The following MACROD2 variants were observed in gnomAD, a reference collection of about 807,000 sequenced individuals.
The protein encoded by MACROD2 is mono-ADP ribosylhydrolase 2.
Under a neutral mutation model 70.4 loss-of-function variants are expected in MACROD2, and 36 were observed. That is an observed-to-expected ratio of 0.51 (90% CI 0.39 to 0.68). MACROD2 has a LOEUF of 0.68. Among genes scored for constraint, MACROD2 ranks in the 30% least tolerant of loss-of-function variants. The probability of loss-of-function intolerance (pLI) is 0.00; values close to 1 mark genes in which losing one functional copy is unlikely to be tolerated. For synonymous variants in MACROD2, 172 were observed against 178.8 expected (o/e 0.96, Z 0.30); for missense variants, 496 against 538.4 (o/e 0.92, Z 0.78).
chr20:15,970,258 A>T (rs1311991505), intron 13 of MACROD2, among the ~76,000 whole-genome samples: 1 of 152,172 alleles, frequency 6.6e-6, no homozygotes, highest in East Asian at 1.9e-4. Context: ...GCCAAAGATA[A>T]AGGAAGGAAT....
intron 3 of MACROD2, among the ~76,000 whole-genome samples, chr20:14,258,170 A>G (rs1348065876): frequency 6.6e-6 from 1 of 152,102 alleles, no homozygotes; most frequent in African/African-American, 2.4e-5. Flanking sequence ...TATTTTTACA[A>G]TTGTGAATTG....
rs150805701 is a variant in MACROD2, at chr20:15,880,005, G to A, written c.728-5759G>A. On this transcript the variant is annotated intron_variant, in intron 9 of 17. Coordinates refer to ENST00000684519, the MANE Select transcript of MACROD2 (RefSeq NM_001351661.2). ...CGGAGGAGTTCCCTCTTACTCTCCAGGGGTCAGCCTTTGTGTTCTTGTTAG... is the reference window on the plus strand; with the variant it reads ...CGGAGGAGTTCCCTCTTACTCTCCAAGGGTCAGCCTTTGTGTTCTTGTTAG... 9.3e-4 allele frequency among the ~76,000 whole-genome samples: 141 copies of A among 152,234 alleles called. No individual in the cohort carries two copies. In the East Asian group the frequency reaches 0.024, roughly 26 times the overall value.
At chr20:15,990,214 C>T (rs970537525) in intron 15 of MACROD2, among the ~76,000 whole-genome samples, 1 of 152,106 alleles carries the variant, frequency 6.6e-6, no homozygotes, top group Non-Finnish European at 1.5e-5. Flanking sequence ...ACCTGCAACA[C>T]ATATGAAATC....
At chr20:15,361,225 C>T (rs1385798115) in intron 6 of MACROD2, among the ~76,000 whole-genome samples, 7 of 152,066 alleles carry the variant, frequency 4.6e-5, no homozygotes, top group Non-Finnish European at 8.8e-5. Context: ...TATTTGAGTT[C>T]ACTTTTGTAT....
At chr20:15,623,679 C>CCAAT (rs1555850035) in intron 8 of MACROD2, among the ~76,000 whole-genome samples, 1 of 148,140 alleles carries the variant, frequency 6.8e-6, no homozygotes, top group African/African-American at 2.5e-5. Context: ...AAGTTATCTG[C>CCAAT]CTATCTATCT....
Position 14,200,857 on chromosome 20 carries a change from C to A in MACROD2, c.271+115129C>A, listed in dbSNP as rs183311512. On this transcript the variant is annotated intron_variant, in intron 3 of 17. Transcript: ENST00000684519. ...GTGTGAATTATTCATGCCTTTTTGCCTGTTTTTCTCTTAAAGTTCTAGTCT... is the reference window on the plus strand; with the variant it reads ...GTGTGAATTATTCATGCCTTTTTGCATGTTTTTCTCTTAAAGTTCTAGTCT... Among the ~76,000 whole-genome samples the A allele has an allele frequency of 5.3e-4, 80 of 150,868 alleles. 1 individual carries two copies. Among genetic ancestry groups the A allele is most frequent in the African/African-American group, 1.8e-3 (76 of 41,270 alleles).
chr20:15,008,535 C>G (rs1014852430), intron 5 of MACROD2, among the ~76,000 whole-genome samples: 1 of 152,144 alleles, frequency 6.6e-6, no homozygotes, highest in Non-Finnish European at 1.5e-5. Context: ...GATCATGGTG[C>G]AGGTTCTTGA....
intron 6 of MACROD2, among the ~76,000 whole-genome samples, chr20:15,379,270 A>G (rs1293540298): frequency 6.6e-6 from 1 of 152,176 alleles, no homozygotes; most frequent in African/African-American, 2.4e-5. Flanking sequence ...GCATCTTTAT[A>G]TATCTCTGAC....
At chr20:14,598,386 A>G (rs1982277625) in intron 4 of MACROD2, among the ~76,000 whole-genome samples, 1 of 152,134 alleles carries the variant, frequency 6.6e-6, no homozygotes, top group African/African-American at 2.4e-5. Context: ...CATTATGAAC[A>G]TTCTAATATT....
chr20:15,341,886 A>G (rs1399440668), intron 6 of MACROD2, among the ~76,000 whole-genome samples: 2 of 152,026 alleles, frequency 1.3e-5, no homozygotes, highest in Non-Finnish European at 2.9e-5. Context: ...ACCTGTCTCT[A>G]CAAAAATTTT....
chr20:15,413,888 A>G (rs538904279), intron 6 of MACROD2, among the ~76,000 whole-genome samples: 5 of 152,284 alleles, frequency 3.3e-5, no homozygotes, highest in African/African-American at 7.2e-5. Flanking sequence ...CTTAGCTCAC[A>G]CAGAAAAGCA....
At chr20:14,338,170 G>A (rs2082971320) in intron 3 of MACROD2, among the ~76,000 whole-genome samples, 1 of 152,194 alleles carries the variant, frequency 6.6e-6, no homozygotes, top group South Asian at 2.1e-4. Flanking sequence ...GGGAGGCCGA[G>A]GTGGGAGGAT....
At chr20:14,631,999 G>T (rs891046530) in intron 4 of MACROD2, 1 of 151,626 alleles carries the variant, frequency 6.6e-6, no homozygotes, top group Non-Finnish European at 1.5e-5. Flanking sequence ...TATTCATTTT[G>T]TAATTTATTA....
At chr20:15,129,844 T>C (rs1601112624) in intron 5 of MACROD2, among the ~76,000 whole-genome samples, 1 of 152,108 alleles carries the variant, frequency 6.6e-6, no homozygotes, top group East Asian at 1.9e-4. Flanking sequence ...GTTGCTTTTG[T>C]TGTATTTCTA....
intron 8 of MACROD2, among the ~76,000 whole-genome samples, chr20:15,821,889 G>A (rs1194511923): frequency 6.6e-6 from 1 of 152,082 alleles, no homozygotes; most frequent in Non-Finnish European, 1.5e-5. Context: ...AGGGACGACT[G>A]TATACCATAT....
intron 2 of MACROD2, among the ~76,000 whole-genome samples, chr20:14,007,219 T>G (rs2148613761): frequency 6.6e-6 from 1 of 152,350 alleles, no homozygotes; most frequent in Non-Finnish European, 1.5e-5. Flanking sequence ...AAGTCTTTTA[T>G]TATGCAGTAC....
chr20:14,726,981 T>G (rs1313239263), intron 5 of MACROD2, among the ~76,000 whole-genome samples: 1 of 152,192 alleles, frequency 6.6e-6, no homozygotes, highest in Non-Finnish European at 1.5e-5. Flanking sequence ...TTGAAAAAAT[T>G]TAGGTTCCTT....
intron 5 of MACROD2, among the ~76,000 whole-genome samples, chr20:14,756,836 T>A (rs1480127784): frequency 1.3e-5 from 2 of 152,082 alleles, no homozygotes; most frequent in Non-Finnish European, 2.9e-5. Context: ...GTGGAGATAA[T>A]GTTTCCCCCA....
At chr20:14,564,844 C>T (rs556991291) in intron 4 of MACROD2, among the ~76,000 whole-genome samples, 33 of 151,784 alleles carry the variant, frequency 2.2e-4, no homozygotes, top group Non-Finnish European at 3.4e-4. Context: ...GGTATGTATC[C>T]AAAGGAAAAT....
Sources: gnomAD v4.1 joint callset for allele counts (sites outside exome capture counted in the v4.1 genomes callset) on GRCh38, gnomAD v4.1.1 for gene constraint, MANE v1.5 for transcripts, NCBI Gene and HGNC (gene_info 2026-07-23, HGNC 2026-07-21) for gene names.